HNRNPA2B1: variants seen among roughly 807,000 people sequenced by gnomAD.
HNRNPA2B1 encodes heterogeneous nuclear ribonucleoprotein A2/B1.
Under a neutral mutation model 46.3 loss-of-function variants are expected in HNRNPA2B1, and 3 were observed. The ratio of observed to expected loss-of-function variants is 0.06; its 90% confidence interval spans 0.03 to 0.17. The LOEUF (loss-of-function observed/expected upper bound fraction) is 0.17, where lower values mean the gene tolerates loss of function less well. Among genes scored for constraint, HNRNPA2B1 ranks in the 10% least tolerant of loss-of-function variants. HNRNPA2B1 has a pLI of 1.00. For missense variants in HNRNPA2B1, 221 were observed against 418.9 expected (o/e 0.53, Z 4.12); for synonymous variants, 225 against 133.8 (o/e 1.68, Z -4.70).
chr7:26,199,779 A>T (rs1054925544), intron 1 of HNRNPA2B1: 1 of 152,212 alleles, frequency 6.6e-6, no homozygotes, highest in Non-Finnish European at 1.5e-5. Context: ...GGAAAAACAT[A>T]AAATGGTTTC....
Position 26,192,475 on chromosome 7 carries a change from A to C in HNRNPA2B1, c.*21+20T>G, listed in dbSNP as rs375284812. 6.6e-7 allele frequency: 1 copy of C among 1,515,690 alleles called. No individual in the cohort carries two copies. The highest frequency in any genetic ancestry group is 9.2e-7 in the Non-Finnish European group (1 of 1,091,086). 93.9% of individuals were successfully genotyped at this position (1,515,690 alleles called of 1,614,324 possible). ...TGTCTCCCAAGATAATAATAATTGT[A>C]AAACTCAAAAGCTACTTACCCATGG... On this transcript the variant is annotated intron_variant, in intron 10 of 10. Transcript: ENST00000618183.
chr7:26,192,840 A>T (rs1203238116), intron 9 of HNRNPA2B1, among the ~76,000 whole-genome samples: 6 of 152,132 alleles, frequency 3.9e-5, no homozygotes, highest in Non-Finnish European at 7.4e-5. Flanking sequence ...GGATTTTTTT[A>T]AAAGTACATC....
intron 1 of HNRNPA2B1, chr7:26,198,985 G>A (rs1490379547): frequency 6.6e-6 from 1 of 152,112 alleles, no homozygotes; most frequent in Non-Finnish European, 1.5e-5. Context: ...AAAATTAACT[G>A]AAATGATCAA....
In HNRNPA2B1 at chr7:26,192,535, C is replaced by G; in HGVS notation, c.1007G>C (p.Gly336Ala). The G allele has an allele frequency of 6.2e-7, 1 of 1,614,052 alleles. No individual in the cohort carries two copies. ...AGAAGCTCAGTATCGGCTCCTCCCA[C>G]CATAACCCCCACTTCCTCCACTGCC... ...PGGSGGSGGYGGRSRY is the reference protein window; with the variant it reads ...PGGSGGSGGYAGRSRY Residue 336 changes from glycine to alanine, a missense_variant, in exon 10 of 11, where the codon GGT (glycine) becomes GCT (alanine). Around this residue, in one of 2 missense-constraint regions of HNRNPA2B1, gnomAD observed 143 missense variants for 200.5 expected, o/e 0.71. Coordinates refer to ENST00000618183, the MANE Select transcript of HNRNPA2B1 (RefSeq NM_002137.4).
chr7:26,197,515 G>A (rs1783780325), intron 2 of HNRNPA2B1, 54 bp from the exon 3 acceptor site: 7 of 1,589,680 alleles, frequency 4.4e-6, no homozygotes, highest in Non-Finnish European at 6.0e-6. Flanking sequence ...GCTTATAAGT[G>A]AAGTCATAAT....
chr7:26,200,231 G>C lies in HNRNPA2B1; in HGVS notation c.6+341C>G, dbSNP rs535454513. On this transcript the variant is annotated intron_variant, in intron 1 of 10. Transcript: ENST00000618183. Reference sequence around the variant, plus strand: ...TGCTGCCCGCCGAAACGCTCGCCGAGGAGACGCCGTGGCCCCCGAAGCAGC... The same window carrying C: ...TGCTGCCCGCCGAAACGCTCGCCGACGAGACGCCGTGGCCCCCGAAGCAGC... 7 of 325,542 alleles carry C rather than the reference G, an allele frequency of 2.2e-5. No individual in the cohort carries two copies. In the South Asian group the frequency reaches 2.7e-4, roughly 13 times the overall value. 20.2% of individuals were successfully genotyped at this position (325,542 alleles called of 1,614,324 possible).
Position 26,192,356 on chromosome 7 carries a change from A to C in HNRNPA2B1, c.*22-18T>G. The C allele has an allele frequency of 1.5e-6, 1 of 650,606 alleles. No individual in the cohort carries two copies. The highest frequency in any genetic ancestry group is 2.7e-6 in the Non-Finnish European group (1 of 368,790). The allele number at this position is 650,606 out of a possible 1,614,324, so 40.3% of individuals were successfully genotyped here. A position where few individuals can be genotyped will look rare whatever the true frequency, so the allele number is the denominator to read the frequency against. ...AGTGAAGCCTGTTTCAACAGAAGTA[A>C]AGAGTAAAAAAAAAATAGGTTATGA... On this transcript the variant is annotated intron_variant, in intron 10 of 10. Transcript: ENST00000618183.
intron 9 of HNRNPA2B1, 74 bp downstream of exon 9, chr7:26,193,177 A>T (rs1268069313): frequency 1.5e-5 from 21 of 1,424,100 alleles, no homozygotes; most frequent in Non-Finnish European, 2.0e-5. Flanking sequence ...TTAGTATGTT[A>T]TCTTCCCTTT....
chr7:26,198,951 T>C (rs1239715782), intron 1 of HNRNPA2B1: 1 of 152,216 alleles, frequency 6.6e-6, no homozygotes, highest in Non-Finnish European at 1.5e-5. Context: ...CCTGTAGTTT[T>C]CATGACTCGT....
At chr7:26,199,375 G>A (rs1718867770) in intron 1 of HNRNPA2B1, 1 of 152,306 alleles carries the variant, frequency 6.6e-6, no homozygotes. Context: ...CAAATACAGA[G>A]CGGCCCAGGC....
At chr7:26,194,435 A>G (rs1783274194) in intron 7 of HNRNPA2B1, among the ~76,000 whole-genome samples, 1 of 151,964 alleles carries the variant, frequency 6.6e-6, no homozygotes. Flanking sequence ...GCAGCAGCTC[A>G]CACCTGTAAT....
At chr7:26,200,262 T>A (rs1057280550) in intron 1 of HNRNPA2B1, 2 of 382,850 alleles carry the variant, frequency 5.2e-6, no homozygotes, top group African/African-American at 4.1e-5. Context: ...GCAGCGTGCT[T>A]TAGAAAGGGA....
chr7:26,192,396 C>T, intron 10 of HNRNPA2B1, 58 bp from the exon 11 acceptor site: 1 of 811,336 alleles, frequency 1.2e-6, no homozygotes, highest in South Asian at 1.5e-5. Context: ...ATCCATCTAA[C>T]CAGATTTTAA....
intron 4 of HNRNPA2B1, 73 bp from the exon 5 acceptor site, chr7:26,196,731 A>G (rs1783686708): frequency 1.3e-6 from 2 of 1,566,560 alleles, no homozygotes; most frequent in Non-Finnish European, 1.8e-6. Context: ...TTACCTTTCA[A>G]TAAAGTTACA....
intron 9 of HNRNPA2B1, 113 bp from the exon 10 acceptor site, chr7:26,192,690 C>T: frequency 4.6e-6 from 4 of 865,570 alleles, no homozygotes; most frequent in Non-Finnish European, 3.8e-6. Context: ...ACAAGCAGAT[C>T]CTAATCCTTT....
At chr7:26,194,439 C>G (rs998212016) in intron 7 of HNRNPA2B1, among the ~76,000 whole-genome samples, 8 of 151,890 alleles carry the variant, frequency 5.3e-5, no homozygotes, top group Admixed American at 3.3e-4. Context: ...CAGCTCACAC[C>G]TGTAATCCCA....
At chr7:26,197,550 T>G in intron 2 of HNRNPA2B1, 72 bp downstream of exon 2, 1 of 1,559,946 alleles carries the variant, frequency 6.4e-7, no homozygotes, top group Non-Finnish European at 8.8e-7. Context: ...TGCTGATAGT[T>G]ATTTCCTCCA....
rs1186929934 is a variant in HNRNPA2B1, at chr7:26,191,899, C to T, written c.*461G>A. Reference sequence around the variant, plus strand: ...AATGTACAACAGCTTCTTAACTCTACACACGCACTTAAATTTTTTTAAAGG... The same window carrying T: ...AATGTACAACAGCTTCTTAACTCTATACACGCACTTAAATTTTTTTAAAGG... On this transcript the variant is annotated 3_prime_UTR_variant, in exon 11 of 11. Coordinates refer to ENST00000618183, the MANE Select transcript of HNRNPA2B1 (RefSeq NM_002137.4). 5 of 152,614 alleles carry T rather than the reference C, an allele frequency of 3.3e-5. No individual in the cohort carries two copies. Among genetic ancestry groups the T allele is most frequent in the Non-Finnish European group, 5.9e-5 (4 of 68,028 alleles). 9.5% of individuals were successfully genotyped at this position (152,614 alleles called of 1,614,324 possible).
chr7:26,194,312 C>G (rs187494553), intron 7 of HNRNPA2B1, among the ~76,000 whole-genome samples: 13 of 152,194 alleles, frequency 8.5e-5, no homozygotes, highest in African/African-American at 3.1e-4. Context: ...AGGAGAATGG[C>G]GTGAACCCGG....
Sources: allele counts gnomAD v4.1 joint callset (sites outside exome capture counted in the v4.1 genomes callset), GRCh38; gene constraint gnomAD v4.1.1; regional missense constraint gnomAD v4.1.1; transcripts MANE v1.5; gene names NCBI Gene and HGNC (gene_info 2026-07-23, HGNC 2026-07-21).